The following ERG variants were observed in gnomAD, a reference collection of about 807,000 sequenced individuals.
The protein encoded by ERG is ETS transcription factor ERG, also known as transcriptional regulator ERG.
In ERG, 9 loss-of-function variants were observed where a neutral mutation model predicts 55.3. That is an observed-to-expected ratio of 0.16 (90% CI 0.10 to 0.28). The LOEUF is 0.28. Ranked by LOEUF, ERG falls within the 10% of genes least tolerant of loss-of-function variation. ERG has a pLI of 1.00. For synonymous variants in ERG, 223 were observed against 237.3 expected, an observed-to-expected ratio of 0.94 and a Z score of 0.55; for missense variants, 434 against 631.6, an observed-to-expected ratio of 0.69 and a Z score of 3.35.
rs767114621 is a variant in ERG at position 38,402,677 on chromosome 21, AAAAG to A, written c.593-44_593-41del. 6.2e-5 allele frequency: 75 copies of A among 1,203,730 alleles called. 1 individual carries two copies. In the African/African-American group the frequency reaches 9.9e-4, roughly 16 times the overall value. 74.6% of individuals were successfully genotyped at this position (1,203,730 alleles called of 1,614,324 possible). On this transcript the variant is annotated intron_variant, in intron 4 of 9. Coordinates refer to ENST00000288319, the MANE Select transcript of ERG (RefSeq NM_182918.4). ...AAAAAGCGACATCAAAATGAAAAAA[AAAAG>A]AGAGAGAGAGAAAGAGAATTACCTT... is the stretch of plus-strand genomic sequence containing the variant.
At chr21:38,420,031 G>T (rs1011683028) in intron 3 of ERG, among the ~76,000 whole-genome samples, 6 of 144,614 alleles carry the variant, frequency 4.1e-5, no homozygotes, top group East Asian at 2.0e-4. Flanking sequence ...ATAACTGATG[G>T]TTTTTTTTTT....
chr21:38,592,827 C>T (rs911330269), intron 1 of ERG, among the ~76,000 whole-genome samples: 2 of 152,196 alleles, frequency 1.3e-5, no homozygotes, highest in African/African-American at 2.4e-5. Context: ...TGACCGCATA[C>T]TTCTTGTCAG....
intron 2 of ERG, among the ~76,000 whole-genome samples, chr21:38,539,849 C>CT (rs2059739188): frequency 6.7e-6 from 1 of 150,328 alleles, no homozygotes; most frequent in African/African-American, 2.4e-5. Context: ...CCCAGTCCTT[C>CT]TTTGACTCAT....
intron 1 of ERG, among the ~76,000 whole-genome samples, chr21:38,632,958 A>G (rs2060366067): frequency 6.6e-6 from 1 of 152,248 alleles, no homozygotes; most frequent in Non-Finnish European, 1.5e-5. Flanking sequence ...TAATCACAAT[A>G]GCCAAGAAGT....
chr21:38,507,590 G>A (rs537783283), intron 2 of ERG, among the ~76,000 whole-genome samples: 1 of 152,092 alleles, frequency 6.6e-6, no homozygotes, highest in Admixed American at 6.5e-5. Flanking sequence ...GGAGTATCAG[G>A]GGAGAGCAAT....
At chr21:38,488,511 T>G (rs2059307551) in intron 1 of ERG, among the ~76,000 whole-genome samples, 1 of 152,032 alleles carries the variant, frequency 6.6e-6, no homozygotes, top group Admixed American at 6.5e-5. Context: ...GATGCCCTAT[T>G]GTTTAGTGTG....
intron 1 of ERG, chr21:38,473,999 A>G (rs566330627): frequency 1.3e-5 from 2 of 152,320 alleles, no homozygotes; most frequent in African/African-American, 4.8e-5. Flanking sequence ...TTAGACAGCT[A>G]AAGAAGAGTG....
rs184640371 is a variant in ERG at position 38,431,507 on chromosome 21, A to G, written c.237-7946T>C. ...CATATAAGACAAAATGATAACATAA[A>G]TAATTAACAGAATAAAAATGAGGAA... is the stretch of plus-strand genomic sequence containing the variant. On this transcript the variant is annotated intron_variant, in intron 2 of 9. Transcript: ENST00000288319. Among the ~76,000 whole-genome samples the G allele has an allele frequency of 7.1e-4, 108 of 152,338 alleles. 1 individual carries two copies. The highest frequency in any genetic ancestry group is 2.5e-3 in the African/African-American group (102 of 41,572).
the ERG span, among the ~76,000 whole-genome samples, chr21:38,368,536 C>T: frequency 6.6e-6 from 1 of 152,122 alleles, no homozygotes; most frequent in African/African-American, 2.4e-5. Flanking sequence ...CCCACCAGGC[C>T]CCAACTCCAA....
At chr21:38,640,001 A>T (rs1038707702) in intron 1 of ERG, among the ~76,000 whole-genome samples, 1 of 152,116 alleles carries the variant, frequency 6.6e-6, no homozygotes, top group Non-Finnish European at 1.5e-5. Flanking sequence ...CCCACAACAA[A>T]ACAATAAAAA....
At chr21:38,444,789 G>A (rs1338800311) in intron 2 of ERG, among the ~76,000 whole-genome samples, 1 of 151,946 alleles carries the variant, frequency 6.6e-6, no homozygotes, top group Non-Finnish European at 1.5e-5. Flanking sequence ...AGAGGGTGGG[G>A]TGAGGGTGGA....
Position 38,426,718 on chromosome 21 carries a change from G to T in ERG, c.237-3157C>A, listed in dbSNP as rs368266660. Among the ~76,000 whole-genome samples, 24 of 152,098 alleles carry T rather than the reference G, an allele frequency of 1.6e-4. No individual in the cohort carries two copies. The East Asian group carries it at 3.9e-3, about 25-fold the overall frequency. Reference sequence around the variant, plus strand: ...GGCCGAGCTGGGCGGATCACCTGAGGTCGGGAGTTTGAGACCAGCCTGACC... The same window carrying T: ...GGCCGAGCTGGGCGGATCACCTGAGTTCGGGAGTTTGAGACCAGCCTGACC... On this transcript the variant is annotated intron_variant, in intron 2 of 9. Transcript: ENST00000288319.
At chr21:38,608,467 T>C (rs1208121450) in intron 1 of ERG, among the ~76,000 whole-genome samples, 2 of 152,136 alleles carry the variant, frequency 1.3e-5, no homozygotes, top group Admixed American at 6.5e-5. Context: ...AAAATACATA[T>C]GCAAAAATCA....
intron 1 of ERG, among the ~76,000 whole-genome samples, chr21:38,489,005 TA>T: frequency 6.6e-6 from 1 of 152,312 alleles, no homozygotes; most frequent in East Asian, 1.9e-4. Flanking sequence ...GGAGAGGAGA[TA>T]ACGAATAATG....
intron 1 of ERG, among the ~76,000 whole-genome samples, chr21:38,610,531 GT>G (rs2060220740): frequency 2.0e-5 from 3 of 151,202 alleles, no homozygotes; most frequent in African/African-American, 4.8e-5. Flanking sequence ...ACGCGCGTGT[GT>G]GTGTGTGTGT....
intron 3 of ERG, 28 bp downstream of exon 3, chr21:38,423,382 G>A (rs1160675649): frequency 4.4e-6 from 7 of 1,600,786 alleles, no homozygotes; most frequent in East Asian, 4.5e-5. Context: ...GCGATCTGCC[G>A]AGGGCAGTGA....
upstream of ERG, among the ~76,000 whole-genome samples, chr21:38,501,200 G>A (rs1030527894): frequency 6.6e-6 from 1 of 151,512 alleles, no homozygotes; most frequent in East Asian, 1.9e-4. Context: ...CGAGTAGCTG[G>A]GACTGCAGGC....
intron 1 of ERG, among the ~76,000 whole-genome samples, chr21:38,641,988 G>A (rs556356633): frequency 6.6e-6 from 1 of 152,260 alleles, no homozygotes; most frequent in African/African-American, 2.4e-5. Flanking sequence ...GGGAATTCCT[G>A]GTTTATAATA....
At chr21:38,420,816 G>T (rs893179095) in intron 3 of ERG, among the ~76,000 whole-genome samples, 1 of 152,202 alleles carries the variant, frequency 6.6e-6, no homozygotes, top group African/African-American at 2.4e-5. Flanking sequence ...TTACATCTGT[G>T]ATTCAATGAG....
Sources: gnomAD v4.1 joint callset for allele counts (sites outside exome capture counted in the v4.1 genomes callset) on GRCh38, gnomAD v4.1.1 for gene constraint, MANE v1.5 for transcripts, NCBI Gene and HGNC (gene_info 2026-07-23, HGNC 2026-07-21) for gene names.